Variants in ABCF1 observed in about 807,000 individuals in gnomAD.
ABCF1 encodes ATP binding cassette subfamily F member 1.
Under a neutral mutation model 126.3 loss-of-function variants are expected in ABCF1, and 73 were observed. The ratio of observed to expected loss-of-function variants is 0.58; its 90% CI spans 0.48 to 0.70. The LOEUF is 0.70. Among genes scored for constraint, ABCF1 ranks in the 30% least tolerant of loss-of-function variants. The pLI, the probability that ABCF1 is intolerant of heterozygous loss-of-function variation, is 0.00. For missense variants in ABCF1, 786 were observed against 1,057.5 expected (o/e 0.74, Z 3.56); for synonymous variants, 345 against 396.4 (o/e 0.87, Z 1.54).
chr6:30,589,770 G>A, intron 21 of ABCF1, 36 bp from the exon 22 acceptor site: 1 of 1,614,172 alleles, frequency 6.2e-7, no homozygotes, highest in Non-Finnish European at 8.5e-7. Context: ...GAGGAAGTGT[G>A]ACTTTAACCG....
In ABCF1 at chr6:30,585,485, T is replaced by C. The variant is rs549049723; in HGVS notation, c.1476-73T>C. ...CCCCCCTTTCCCTCCCAGCCCCCGT[T>C]GTCTGCCTGCTTCCTCTGAATTCTC... On this transcript the variant is annotated intron_variant, in intron 15 of 24. Transcript: ENST00000326195. 228 of 1,602,034 alleles carry C rather than the reference T, an allele frequency of 1.4e-4. 4 individuals are homozygous for C. The South Asian group carries it at 2.5e-3, about 18-fold the overall frequency.
At chr6:30,588,329 A>C (rs537719135) in intron 20 of ABCF1, among the ~76,000 whole-genome samples, 1 of 152,254 alleles carries the variant, frequency 6.6e-6, no homozygotes, top group South Asian at 2.1e-4. Flanking sequence ...AAATATATCA[A>C]GCATTTTTCC....
Position 30,582,510 on chromosome 6 carries a change from A to G in ABCF1, c.792+3A>G. 2 of 1,612,982 alleles carry G rather than the reference A, an allele frequency of 1.2e-6. No homozygotes were observed. The highest frequency in any genetic ancestry group is 1.7e-6 in the Non-Finnish European group (2 of 1,179,990). ...AGAAGAAAAAGCTGAAAAAACAGGT[A>G]AGACCTTGGTTCTTAGCGGTCAAAA... On this transcript the variant is annotated splice_donor_region_variant and intron_variant, in intron 9 of 24. Coordinates refer to ENST00000326195, the MANE Select transcript of ABCF1 (RefSeq NM_001025091.2).
Position 30,583,773 on chromosome 6 carries a change from G to C in ABCF1, c.1017-32G>C, listed in dbSNP as rs757000019. The C allele has an allele frequency of 1.9e-5, 31 of 1,613,794 alleles. No individual in the cohort carries two copies. The East Asian group carries it at 6.9e-4, about 36-fold the overall frequency. ...AGGGAAAAGAAGAGATTTCTCAGTG[G>C]TGGCCAGGTCCTAATAGCTTTTATT... On this transcript the variant is annotated intron_variant, in intron 11 of 24. Coordinates refer to ENST00000326195, the MANE Select transcript of ABCF1 (RefSeq NM_001025091.2). The surrounding 1 kb of genome is among the most constrained non-coding windows in gnomAD (Gnocchi z 4.1).
intron 20 of ABCF1, among the ~76,000 whole-genome samples, chr6:30,588,608 G>A (rs1057081286): frequency 1.2e-4 from 18 of 151,176 alleles, no homozygotes; most frequent in Middle Eastern, 3.4e-3. Flanking sequence ...ATCTGCCTGC[G>A]TCGGCCTCCC....
At position 30,583,067 on chromosome 6, in the gene ABCF1, T is replaced by C; in HGVS notation, c.794T>C (p.Met265Thr). 1 of 1,603,146 alleles carries C rather than the reference T, an allele frequency of 6.2e-7. No individual in the cohort carries two copies. The change falls in exon 10 of 25, where the codon ATG becomes ACG. Residue 265 changes from methionine (M) to threonine (T), a missense_variant and splice_region_variant. This residue lies in a region of ABCF1 where 322 missense variants were observed against 322.9 expected (regional missense o/e 1.00). Transcript: ENST00000326195. The surrounding 1 kb of genome is among the most constrained non-coding windows in gnomAD (Gnocchi z 4.1). ...KKEKKKLKKQ[M>T]EYERQVASLK... ...ATGTAGTTTTTCCTACCTTCTCAGA[T>C]GGAGTATGAGCGCCAAGTGGCTTCA...
Position 30,586,706 on chromosome 6 carries a change from A to C in ABCF1, c.2026A>C (p.Thr676Pro). ...ACTCCTGCTGCTGACTGGCAAGCTG[A>C]CACCGGTGAGTCCTGGAGCCAAGGA... is the stretch of plus-strand genomic sequence containing the variant. The part of the protein sequence containing the change: ...TLLLLLTGKL[T>P]PTHGEMRKNH... The change falls in exon 20 of 25, where the codon ACA (threonine) becomes CCA (proline). Residue 676 changes from threonine to proline, a missense_variant. Thr to Pro is a conservative substitution (Grantham distance 38). This residue lies in a region of ABCF1 where 288 missense variants were observed against 423.5 expected (regional missense o/e 0.68). Coordinates refer to ENST00000326195, the MANE Select transcript of ABCF1 (RefSeq NM_001025091.2). The surrounding 1 kb of genome is among the most constrained non-coding windows in gnomAD (Gnocchi z 4.9). The C allele has an allele frequency of 6.2e-7, 1 of 1,613,836 alleles. No individual in the cohort carries two copies. Among genetic ancestry groups the C allele is most frequent in the Non-Finnish European group, 8.5e-7 (1 of 1,180,016 alleles).
At chr6:30,590,268 G>C in intron 23 of ABCF1, 38 bp from the exon 24 acceptor site, 1 of 1,612,222 alleles carries the variant, frequency 6.2e-7, no homozygotes, top group Non-Finnish European at 8.5e-7. Context: ...TGGAAGACGG[G>C]AGTTGCAGTG....
At position 30,589,735 on chromosome 6, in the gene ABCF1, G is replaced by A; in HGVS notation, c.2064+15G>A. 1.2e-6 allele frequency: 2 copies of A among 1,614,224 alleles called. No homozygotes were observed. Among genetic ancestry groups the A allele is most frequent in the Non-Finnish European group, 1.7e-6 (2 of 1,180,028 alleles). On this transcript the variant is annotated intron_variant, in intron 21 of 24. Transcript: ENST00000326195. ...ACCACCGGCTGGTAAGTTGGCATTG[G>A]GATTTAGGGAATGATAATCTGATGG...
At chr6:30,577,388 G>C in intron 1 of ABCF1, 21 bp from the exon 2 acceptor site, 2 of 1,613,612 alleles carry the variant, frequency 1.2e-6, no homozygotes, top group Non-Finnish European at 1.7e-6. Flanking sequence ...AAGCATTCAC[G>C]ATGTCCGCTT....
intron 6 of ABCF1, 100 bp downstream of exon 6, chr6:30,578,677 C>A: frequency 9.7e-7 from 1 of 1,025,704 alleles, no homozygotes; most frequent in Non-Finnish European, 1.5e-6. Flanking sequence ...CTCGGTCTGT[C>A]TTACTTATAC....
intron 8 of ABCF1, among the ~76,000 whole-genome samples, chr6:30,580,841 T>C (rs1801781003): frequency 6.6e-6 from 1 of 151,848 alleles, no homozygotes; most frequent in Non-Finnish European, 1.5e-5. Flanking sequence ...CCCTGGCTAA[T>C]TTTTTTATTT....
chr6:30,577,928 G>T lies in ABCF1; in HGVS notation c.216+15G>T, dbSNP rs770853702. On this transcript the variant is annotated intron_variant, in intron 3 of 24. Transcript: ENST00000326195. ...AGCAACAGCAGGTACAAGTGCCACA[G>T]GGCCCACCAATCCTGGGAGGCATCT... The T allele has an allele frequency of 1.2e-6, 2 of 1,613,772 alleles. No homozygotes were observed. Among genetic ancestry groups the T allele is most frequent in the South Asian group, 2.2e-5 (2 of 91,076 alleles).
chr6:30,590,443 T>C lies in ABCF1; in HGVS notation c.2371+65T>C, dbSNP rs1421149123. 3.8e-6 allele frequency: 6 copies of C among 1,575,830 alleles called. No homozygotes were observed. In the Admixed American group the frequency reaches 7.0e-5, roughly 18 times the overall value. On this transcript the variant is annotated intron_variant, in intron 24 of 24. Transcript: ENST00000326195. ...GGGACCAAGCTGTAGTGTCCTTCAC[T>C]ACAGAAGGGCCTAGGACTCCCTTAT...
rs1453291774 is a variant in ABCF1, at chr6:30,586,532, C to T, written c.1944C>T (p.Ile648=). 4.3e-6 allele frequency: 7 copies of T among 1,613,298 alleles called. No homozygotes were observed. The highest frequency in any genetic ancestry group is 1.3e-5 in the African/African-American group (1 of 75,034). ...TCTTTAAGAACTTGGATTTTGGCATCGACATGGATTCAAGGAGTGAGTTGG... is the reference window on the plus strand; with the variant it reads ...TCTTTAAGAACTTGGATTTTGGCATTGACATGGATTCAAGGAGTGAGTTGG... ...KPLFKNLDFG[I]DMDSRICIVG... Residue 648 remains isoleucine (I), a synonymous_variant, in exon 19 of 25, where the codon ATC becomes ATT. Transcript: ENST00000326195. This position sits in a 1 kb window ranked among gnomAD's most constrained non-coding sequence, Gnocchi z 4.9.
At chr6:30,575,456 T>A (rs1271530158) in intron 1 of ABCF1, among the ~76,000 whole-genome samples, 4 of 151,736 alleles carry the variant, frequency 2.6e-5, no homozygotes. Context: ...GAAGAGAAGA[T>A]AATAAATAGG....
At position 30,583,236 on chromosome 6, in the gene ABCF1, C is replaced by T. The variant is rs1215291899; in HGVS notation, c.915+48C>T. 1.3e-6 allele frequency: 2 copies of T among 1,568,526 alleles called. No individual in the cohort carries two copies. The highest frequency in any genetic ancestry group is 1.7e-6 in the Non-Finnish European group (2 of 1,151,288). On this transcript the variant is annotated intron_variant, in intron 10 of 24. Coordinates refer to ENST00000326195, the MANE Select transcript of ABCF1 (RefSeq NM_001025091.2). The surrounding 1 kb of genome is among the most constrained non-coding windows in gnomAD (Gnocchi z 4.1). Reference sequence around the variant, plus strand: ...CCAGTCCACTTACCTAGGGAAGAGCCAGTTCTCTCATCTTCCCTGAGTGGC... The same window carrying T: ...CCAGTCCACTTACCTAGGGAAGAGCTAGTTCTCTCATCTTCCCTGAGTGGC...
chr6:30,583,894 A>G lies in ABCF1; in HGVS notation c.1102+4A>G. 6.2e-7 allele frequency: 1 copy of G among 1,613,648 alleles called. No individual in the cohort carries two copies. Among genetic ancestry groups the G allele is most frequent in the Non-Finnish European group, 8.5e-7 (1 of 1,179,836 alleles). ...GATGTGTTGCTGTGTGAGCAGGGTG[A>G]GACCACTGGGGAGAAAAGGGGCTTG... On this transcript the variant is annotated splice_donor_region_variant and intron_variant, in intron 12 of 24. Transcript: ENST00000326195. This position sits in a 1 kb window ranked among gnomAD's most constrained non-coding sequence, Gnocchi z 4.1.
rs944615927 is a variant in ABCF1, at chr6:30,590,891, G to C, written c.*190G>C. The C allele has an allele frequency of 3.4e-6, 2 of 587,042 alleles. No individual in the cohort carries two copies. Among genetic ancestry groups the C allele is most frequent in the African/African-American group, 3.8e-5 (2 of 52,984 alleles). 36.4% of individuals were successfully genotyped at this position (587,042 alleles called of 1,614,324 possible). ...TTGCATCCATTTCTCTGAAAGACTTGTTTGTTCTGCTTCTCTTCATATAAC... is the reference window on the plus strand; with the variant it reads ...TTGCATCCATTTCTCTGAAAGACTTCTTTGTTCTGCTTCTCTTCATATAAC... On this transcript the variant is annotated 3_prime_UTR_variant, in exon 25 of 25. Transcript: ENST00000326195.
Sources: allele counts gnomAD v4.1 joint callset (sites outside exome capture counted in the v4.1 genomes callset), GRCh38; gene constraint gnomAD v4.1.1; regional missense constraint gnomAD v4.1.1; non-coding constraint Gnocchi (gnomAD v3.1); transcripts MANE v1.5; gene names NCBI Gene and HGNC (gene_info 2026-07-23, HGNC 2026-07-21).